The following TPO variants were observed in gnomAD, a reference collection of about 807,000 sequenced individuals.
TPO encodes thyroid peroxidase.
TPO carries 78 observed loss-of-function variants against 96.9 expected under a neutral mutation model. That is an observed-to-expected ratio of 0.81 (90% CI 0.67 to 0.97). The LOEUF is 0.97. Ranked by LOEUF, TPO falls within the 50% of genes least tolerant of loss-of-function variation. The pLI, the probability that TPO is intolerant of heterozygous loss-of-function variation, is 0.00. For missense variants in TPO, 1,252 were observed against 1,274.8 expected (o/e 0.98, Z 0.27); for synonymous variants, 547 against 538.0 (o/e 1.02, Z -0.23).
chr2:1,428,942 A>G (rs1264608849), intron 3 of TPO, among the ~76,000 whole-genome samples: 1 of 152,094 alleles, frequency 6.6e-6, no homozygotes, highest in Non-Finnish European at 1.5e-5. Flanking sequence ...TCCATGAACT[A>G]TGGCTGGCTA....
chr2:1,491,969 G>A (rs892553983), intron 10 of TPO, among the ~76,000 whole-genome samples: 3 of 152,184 alleles, frequency 2.0e-5, no homozygotes, highest in African/African-American at 7.2e-5. Flanking sequence ...CTTCTCACGG[G>A]GGCTCGGGGG....
At chr2:1,415,472 G>A (rs1434684540) in intron 2 of TPO, among the ~76,000 whole-genome samples, 1 of 146,514 alleles carries the variant, frequency 6.8e-6, no homozygotes, top group Non-Finnish European at 1.5e-5. Context: ...CCTGGAGCAG[G>A]TGACACCTCG....
At chr2:1,493,558 CCGG>C (rs1672013907) in intron 10 of TPO, among the ~76,000 whole-genome samples, 3 of 93,168 alleles carry the variant, frequency 3.2e-5, no homozygotes, top group African/African-American at 1.0e-4. Flanking sequence ...AGGACTCTGC[CCGG>C]CATCCGAGCT....
intron 14 of TPO, among the ~76,000 whole-genome samples, chr2:1,509,145 CCAGTAGTCATT>C (rs1449153992): frequency 4.6e-5 from 7 of 152,170 alleles, no homozygotes; most frequent in African/African-American, 1.7e-4. Flanking sequence ...TGTTATGTAT[CCAGTAGTCATT>C]CAGGAGCAGG....
chr2:1,442,485 T>A (rs139529575), intron 5 of TPO, among the ~76,000 whole-genome samples: 44 of 152,334 alleles, frequency 2.9e-4, no homozygotes, highest in South Asian at 1.2e-3. Flanking sequence ...ATATATTATA[T>A]ACTGTAAGAC....
At chr2:1,438,153 A>C (rs1044658391) in intron 5 of TPO, among the ~76,000 whole-genome samples, 2 of 151,732 alleles carry the variant, frequency 1.3e-5, no homozygotes, top group Non-Finnish European at 2.9e-5. Context: ...GGTGGGGTCT[A>C]ACGTGCAGGT....
chr2:1,374,403 G>C (rs1056974143), intron 1 of TPO: 1 of 152,344 alleles, frequency 6.6e-6, no homozygotes, highest in African/African-American at 2.4e-5. Flanking sequence ...CGTCCACCTG[G>C]TAGGATCTCT....
intron 8 of TPO, among the ~76,000 whole-genome samples, chr2:1,479,375 A>G (rs999910414): frequency 6.6e-6 from 1 of 152,170 alleles, no homozygotes; most frequent in Admixed American, 6.5e-5. Flanking sequence ...CTTCATAAAT[A>G]TATGTAGAGT....
At chr2:1,375,157 A>C (rs1024663056) in intron 1 of TPO, among the ~76,000 whole-genome samples, 1 of 152,180 alleles carries the variant, frequency 6.6e-6, no homozygotes, top group African/African-American at 2.4e-5. Context: ...AATTGCATTA[A>C]ATTACTTTGA....
chr2:1,491,047 G>A (rs1281260040), intron 10 of TPO, among the ~76,000 whole-genome samples: 3 of 152,108 alleles, frequency 2.0e-5, no homozygotes, highest in Non-Finnish European at 4.4e-5. Context: ...GCAGACACCT[G>A]TAATCCCAGC....
At chr2:1,375,354 A>G (rs1045554917) in intron 1 of TPO, among the ~76,000 whole-genome samples, 1 of 152,114 alleles carries the variant, frequency 6.6e-6, no homozygotes, top group Non-Finnish European at 1.5e-5. Flanking sequence ...ATCTCAGTCA[A>G]TTAGAAGTTT....
intron 14 of TPO, among the ~76,000 whole-genome samples, chr2:1,509,998 G>A (rs997919722): frequency 7.2e-5 from 11 of 151,980 alleles, no homozygotes; most frequent in African/African-American, 2.4e-4. Context: ...ACACCCTCTT[G>A]TTTCAGGTGT....
intron 4 of TPO, among the ~76,000 whole-genome samples, chr2:1,434,988 C>T (rs966140298): frequency 2.6e-5 from 4 of 152,048 alleles, no homozygotes; most frequent in African/African-American, 7.3e-5. Context: ...GGCTGGAGTG[C>T]AGTGGGGCGA....
chr2:1,527,365 CCCCGCACTGTGTGCAA>C, intron 15 of TPO, among the ~76,000 whole-genome samples: 1 of 137,044 alleles, frequency 7.3e-6, no homozygotes, highest in African/African-American at 2.8e-5. Context: ...CTCCCCAAAT[CCCCGCACTGTGTGCAA>C]CCACCCCAAA....
At chr2:1,535,060 AAT>A in intron 15 of TPO, among the ~76,000 whole-genome samples, 1 of 95,112 alleles carries the variant, frequency 1.1e-5, no homozygotes, top group Non-Finnish European at 2.1e-5. Flanking sequence ...AACCTCCCCA[AAT>A]CTCCCCCACT....
chr2:1,528,630 CCCCCCACTGTGTGCA>C (rs1166326387), intron 15 of TPO, among the ~76,000 whole-genome samples: 6 of 142,444 alleles, frequency 4.2e-5, no homozygotes, highest in Non-Finnish European at 7.6e-5. Context: ...TCCCCAAATC[CCCCCCACTGTGTGCA>C]ACCTCACCAC....
At chr2:1,374,894 AT>A (rs531932411) in intron 1 of TPO, among the ~76,000 whole-genome samples, 1 of 150,146 alleles carries the variant, frequency 6.7e-6, no homozygotes. Flanking sequence ...GCCCAGCTAA[AT>A]TTTTTTTGTA....
At chr2:1,526,829 C>T (rs543466112) in intron 15 of TPO, among the ~76,000 whole-genome samples, 7 of 138,654 alleles carry the variant, frequency 5.0e-5, no homozygotes, top group African/African-American at 1.7e-4. Flanking sequence ...ATGCAACCTC[C>T]CCAAATCCTC....
intron 1 of TPO, among the ~76,000 whole-genome samples, chr2:1,405,539 C>T (rs1029870919): frequency 6.6e-5 from 10 of 152,064 alleles, no homozygotes; most frequent in African/African-American, 2.4e-4. Flanking sequence ...CCCATCCATC[C>T]ATAATCAGAA....
Sources: allele counts gnomAD v4.1 joint callset (sites outside exome capture counted in the v4.1 genomes callset), GRCh38; gene constraint gnomAD v4.1.1; transcripts MANE v1.5; gene names NCBI Gene and HGNC (gene_info 2026-07-23, HGNC 2026-07-21).